Variants in NBEA observed in about 807,000 individuals in gnomAD.
NBEA encodes the protein neurobeachin, also known as lysosomal-trafficking regulator 2.
In NBEA, 44 loss-of-function variants were observed where a neutral mutation model predicts 343.4. That is an observed-to-expected ratio of 0.13 (90% CI 0.10 to 0.16). NBEA has a LOEUF of 0.16. Among genes scored for constraint, NBEA ranks in the 10% least tolerant of loss-of-function variants. The pLI, the probability that NBEA is intolerant of heterozygous loss-of-function variation, is 1.00. For synonymous variants in NBEA, 1,175 were observed against 1,238.7 expected (o/e 0.95, Z 1.08); for missense variants, 2,555 against 3,631.3 (o/e 0.70, Z 7.62).
At chr13:35,425,742 TGG>T (rs1170229236) in intron 38 of NBEA, among the ~76,000 whole-genome samples, 4 of 152,190 alleles carry the variant, frequency 2.6e-5, no homozygotes, top group Non-Finnish European at 5.9e-5. Context: ...ATGTTGACAG[TGG>T]GGTGTGAAAG....
chr13:35,323,500 G>A (rs996934503), intron 36 of NBEA, among the ~76,000 whole-genome samples: 2 of 148,048 alleles, frequency 1.4e-5, no homozygotes, highest in African/African-American at 5.0e-5. Flanking sequence ...TCACTCATAG[G>A]TAGGAATTGA....
chr13:35,510,864 A>G (rs1428730959), intron 41 of NBEA, among the ~76,000 whole-genome samples: 1 of 152,230 alleles, frequency 6.6e-6, no homozygotes, highest in Admixed American at 6.5e-5. Context: ...GAAGTAAGAA[A>G]TAAAGCTGAG....
At chr13:35,322,164 C>G (rs1360024061) in intron 36 of NBEA, among the ~76,000 whole-genome samples, 1 of 152,192 alleles carries the variant, frequency 6.6e-6, no homozygotes. Flanking sequence ...ACTCCTGCAG[C>G]TAGCTCAGTG....
intron 39 of NBEA, among the ~76,000 whole-genome samples, chr13:35,447,132 G>T (rs2046088686): frequency 1.3e-5 from 2 of 152,072 alleles, no homozygotes; most frequent in South Asian, 4.2e-4. Flanking sequence ...AGAACATAAA[G>T]GGCACATGAA....
intron 11 of NBEA, among the ~76,000 whole-genome samples, chr13:35,105,086 A>G (rs573304581): frequency 6.6e-6 from 1 of 152,118 alleles, no homozygotes; most frequent in South Asian, 2.1e-4. Flanking sequence ...AGTGTTTAGC[A>G]TAACCCAAAG....
intron 1 of NBEA, among the ~76,000 whole-genome samples, chr13:34,972,675 G>A (rs1007493263): frequency 1.4e-4 from 21 of 152,014 alleles, no homozygotes; most frequent in African/African-American, 2.7e-4. Flanking sequence ...ATTTGATTGC[G>A]CTGTGGTCTG....
At chr13:35,278,819 T>A (rs1042212832) in intron 34 of NBEA, among the ~76,000 whole-genome samples, 1 of 152,194 alleles carries the variant, frequency 6.6e-6, no homozygotes, top group African/African-American at 2.4e-5. Flanking sequence ...CTTCGGGCTT[T>A]GCAACCATGT....
At chr13:35,085,157 A>G (rs1369116346) in intron 10 of NBEA, among the ~76,000 whole-genome samples, 1 of 152,168 alleles carries the variant, frequency 6.6e-6, no homozygotes, top group East Asian at 1.9e-4. Context: ...CGGAGGTACA[A>G]GGAGGAGCTG....
intron 36 of NBEA, among the ~76,000 whole-genome samples, chr13:35,324,007 T>C (rs1197094337): frequency 6.6e-6 from 1 of 152,220 alleles, no homozygotes; most frequent in Non-Finnish European, 1.5e-5. Flanking sequence ...TAGAAAACTT[T>C]TATTTAATTT....
intron 47 of NBEA, among the ~76,000 whole-genome samples, chr13:35,594,031 TA>T (rs1447349495): frequency 2.6e-5 from 4 of 152,132 alleles, no homozygotes; most frequent in Non-Finnish European, 5.9e-5. Context: ...TAACTATTGT[TA>T]AATACAAGGA....
At chr13:35,273,780 C>T (rs534603932) in intron 34 of NBEA, among the ~76,000 whole-genome samples, 1 of 152,228 alleles carries the variant, frequency 6.6e-6, no homozygotes, top group South Asian at 2.1e-4. Flanking sequence ...TGGATAAATT[C>T]CTGGACACAT....
chr13:35,515,599 A>G (rs1175401815), intron 41 of NBEA, among the ~76,000 whole-genome samples: 3 of 152,224 alleles, frequency 2.0e-5, no homozygotes, highest in African/African-American at 4.8e-5. Flanking sequence ...TTTTCAATTT[A>G]GAGAATCACG....
chr13:35,625,227 A>G (rs1269163089), intron 48 of NBEA, among the ~76,000 whole-genome samples: 3 of 152,250 alleles, frequency 2.0e-5, no homozygotes, highest in Non-Finnish European at 1.5e-5. Context: ...TTAAGAAAAT[A>G]TATCCAACAA....
At chr13:35,092,011 C>G (rs923198086) in intron 10 of NBEA, among the ~76,000 whole-genome samples, 1 of 151,942 alleles carries the variant, frequency 6.6e-6, no homozygotes, top group African/African-American at 2.4e-5. Flanking sequence ...TTATACTTAA[C>G]TGACTTTAAG....
intron 35 of NBEA, among the ~76,000 whole-genome samples, chr13:35,302,474 CT>C (rs2036619391): frequency 6.6e-6 from 1 of 151,994 alleles, no homozygotes; most frequent in Non-Finnish European, 1.5e-5. Flanking sequence ...TTTTGAAAAC[CT>C]TCAAAAACTG....
At chr13:35,428,220 G>A (rs1340107674) in intron 38 of NBEA, among the ~76,000 whole-genome samples, 6 of 152,120 alleles carry the variant, frequency 3.9e-5, no homozygotes, top group Non-Finnish European at 8.8e-5. Context: ...CATCTTCTGC[G>A]TTGCTCACGC....
intron 45 of NBEA, among the ~76,000 whole-genome samples, chr13:35,581,751 G>T (rs2081049929): frequency 9.7e-6 from 1 of 102,580 alleles, no homozygotes; most frequent in South Asian, 4.1e-4. Flanking sequence ...GGGGAGGGGG[G>T]AGGGATAGCA....
chr13:34,990,105 G>C (rs1279614729), intron 1 of NBEA, among the ~76,000 whole-genome samples: 1 of 151,092 alleles, frequency 6.6e-6, no homozygotes, highest in Non-Finnish European at 1.5e-5. Flanking sequence ...CTGGTTTCAT[G>C]GGCCAGTGTT....
chr13:35,430,702 C>A (rs146866156), intron 38 of NBEA, among the ~76,000 whole-genome samples: 53 of 152,176 alleles, frequency 3.5e-4, no homozygotes, highest in African/African-American at 1.1e-3. Context: ...AGCTCTCTGA[C>A]CACTTTTGGT....
Sources: gnomAD v4.1 joint callset for allele counts (sites outside exome capture counted in the v4.1 genomes callset) on GRCh38, gnomAD v4.1.1 for gene constraint, MANE v1.5 for transcripts, NCBI Gene and HGNC (gene_info 2026-07-23, HGNC 2026-07-21) for gene names.